SYNDIG1: variants seen among roughly 807,000 people sequenced by gnomAD.
SYNDIG1 encodes synapse differentiation-inducing gene protein 1.
Under a neutral mutation model 19.4 loss-of-function variants are expected in SYNDIG1, and 9 were observed. That is an observed-to-expected ratio of 0.46 (90% CI 0.28 to 0.81). The LOEUF (loss-of-function observed/expected upper bound fraction) is 0.81. SYNDIG1 is among the 30% of genes least tolerant of loss of function. The pLI is 0.12. For synonymous variants in SYNDIG1, 141 were observed against 145.9 expected, an observed-to-expected ratio of 0.97 and a Z score of 0.24; for missense variants, 311 against 343.3, an observed-to-expected ratio of 0.91 and a Z score of 0.74.
rs565203951 is a variant in SYNDIG1 at position 24,521,129 on chromosome 20, G to A, written c.-78-21891G>A. ...GTTGTCTTCAAGGGTCATCCATGCT[G>A]TAACACTGAGGAAAATTTGCTTCAT... On this transcript the variant is annotated intron_variant, in intron 1 of 3. Transcript: ENST00000376862. Among the ~76,000 whole-genome samples, 104 of 152,338 alleles carry A rather than the reference G, an allele frequency of 6.8e-4. 1 individual carries two copies. The highest frequency in any genetic ancestry group is 2.4e-3 in the African/African-American group (101 of 41,574).
At chr20:24,487,915 G>A (rs2056014402) in intron 1 of SYNDIG1, among the ~76,000 whole-genome samples, 1 of 152,168 alleles carries the variant, frequency 6.6e-6, no homozygotes, top group Non-Finnish European at 1.5e-5. Context: ...GCCAGCAGCT[G>A]TCCAAACATG....
chr20:24,538,063 TTA>T (rs1476693613), intron 1 of SYNDIG1, among the ~76,000 whole-genome samples: 31 of 152,196 alleles, frequency 2.0e-4, no homozygotes, highest in African/African-American at 7.5e-4. Context: ...GCTCTTCTTT[TTA>T]TGTTTTATTT....
chr20:24,470,743 A>G (rs1057102677), intron 1 of SYNDIG1, among the ~76,000 whole-genome samples: 1 of 152,076 alleles, frequency 6.6e-6, no homozygotes, highest in African/African-American at 2.4e-5. Flanking sequence ...GAAAGACGAG[A>G]GGAAGGGGTC....
intron 2 of SYNDIG1, among the ~76,000 whole-genome samples, chr20:24,552,626 A>C (rs551719451): frequency 5.3e-5 from 8 of 152,250 alleles, no homozygotes; most frequent in African/African-American, 1.4e-4. Flanking sequence ...ATGTCCCTAC[A>C]AAGGACATGA....
At chr20:24,495,240 GA>G (rs2056268194) in intron 1 of SYNDIG1, among the ~76,000 whole-genome samples, 1 of 152,216 alleles carries the variant, frequency 6.6e-6, no homozygotes, top group South Asian at 2.1e-4. Flanking sequence ...AGCTGTTTCA[GA>G]AGACAGGACT....
chr20:24,663,067 A>G (rs2059617761), intron 3 of SYNDIG1, among the ~76,000 whole-genome samples: 1 of 152,242 alleles, frequency 6.6e-6, no homozygotes, highest in Admixed American at 6.5e-5. Context: ...GGTTCATATC[A>G]GGTAAATCAC....
At chr20:24,566,500 G>A (rs1347372330) in intron 2 of SYNDIG1, among the ~76,000 whole-genome samples, 2 of 152,212 alleles carry the variant, frequency 1.3e-5, no homozygotes, top group Non-Finnish European at 2.9e-5. Context: ...AGAAGCATGG[G>A]TCTAAGGCGC....
intron 3 of SYNDIG1, among the ~76,000 whole-genome samples, chr20:24,588,912 G>T (rs1027126216): frequency 2.1e-5 from 3 of 140,078 alleles, no homozygotes; most frequent in Non-Finnish European, 4.6e-5. Context: ...TGCAGGTTCG[G>T]AAGCACCTGC....
chr20:24,634,122 C>G (rs1478777657), intron 3 of SYNDIG1, among the ~76,000 whole-genome samples: 2 of 152,186 alleles, frequency 1.3e-5, no homozygotes, highest in Non-Finnish European at 2.9e-5. Flanking sequence ...TCTCAAAGCC[C>G]CTCCTCCAGG....
At chr20:24,602,133 T>C (rs1024319612) in intron 3 of SYNDIG1, among the ~76,000 whole-genome samples, 2 of 152,210 alleles carry the variant, frequency 1.3e-5, no homozygotes, top group African/African-American at 4.8e-5. Flanking sequence ...AGGTATTTTA[T>C]AGTCTATGCC....
intron 3 of SYNDIG1, among the ~76,000 whole-genome samples, chr20:24,628,795 A>T (rs528071070): frequency 2.0e-5 from 3 of 152,208 alleles, no homozygotes; most frequent in South Asian, 4.2e-4. Flanking sequence ...TGTCACCATT[A>T]TCCGGAGTTG....
At chr20:24,492,847 T>C (rs1203732597) in intron 1 of SYNDIG1, among the ~76,000 whole-genome samples, 1 of 152,194 alleles carries the variant, frequency 6.6e-6, no homozygotes, top group African/African-American at 2.4e-5. Context: ...AGCCAAATCC[T>C]CTAAGCAAAA....
At chr20:24,573,777 C>A (rs55960455) in intron 2 of SYNDIG1, among the ~76,000 whole-genome samples, 5,227 of 152,318 alleles carry the variant, frequency 0.034, 157 homozygotes, top group Middle Eastern at 0.051. Context: ...GTCCCAGAGT[C>A]TCATGGTCGT....
chr20:24,625,384 A>ATTTTTTTTTTTTTT (rs35759862), intron 3 of SYNDIG1, among the ~76,000 whole-genome samples: 4 of 115,278 alleles, frequency 3.5e-5, no homozygotes, highest in Admixed American at 9.5e-5. Flanking sequence ...TGCCTGGGAC[A>ATTTTTTTTTTTTTT]TTTTTTTTTT....
intron 3 of SYNDIG1, among the ~76,000 whole-genome samples, chr20:24,632,225 C>T (rs531946305): frequency 1.2e-4 from 19 of 152,290 alleles, no homozygotes; most frequent in Non-Finnish European, 1.8e-4. Flanking sequence ...AGATTTCACA[C>T]GTAATTTACT....
chr20:24,650,597 T>C (rs181860316), intron 3 of SYNDIG1, among the ~76,000 whole-genome samples: 15 of 152,370 alleles, frequency 9.8e-5, no homozygotes, highest in African/African-American at 3.6e-4. Flanking sequence ...CGTCCCTCTC[T>C]GTACCTTAAG....
intron 1 of SYNDIG1, among the ~76,000 whole-genome samples, chr20:24,537,358 T>C (rs749663642): frequency 1.3e-5 from 2 of 151,912 alleles, no homozygotes; most frequent in Non-Finnish European, 2.9e-5. Context: ...TTTCTCAGTA[T>C]GGTATACACT....
intron 1 of SYNDIG1, among the ~76,000 whole-genome samples, chr20:24,482,051 A>G (rs2055812742): frequency 6.6e-6 from 1 of 152,264 alleles, no homozygotes; most frequent in Non-Finnish European, 1.5e-5. Flanking sequence ...CAAATGCTTA[A>G]TAATCCTCAC....
chr20:24,505,643 A>C (rs927653277), intron 1 of SYNDIG1, among the ~76,000 whole-genome samples: 1 of 152,042 alleles, frequency 6.6e-6, no homozygotes, highest in Non-Finnish European at 1.5e-5. Context: ...CTTCATGTTT[A>C]CTCCACTCGC....
Sources: gnomAD v4.1 joint callset for allele counts (sites outside exome capture counted in the v4.1 genomes callset) on GRCh38, gnomAD v4.1.1 for gene constraint, MANE v1.5 for transcripts, NCBI Gene and HGNC (gene_info 2026-07-23, HGNC 2026-07-21) for gene names.